Variants in PPT1 observed in about 807,000 individuals in gnomAD.
PPT1 encodes the protein palmitoyl-protein thioesterase 1.
A neutral mutation model predicts 44.0 loss-of-function variants in PPT1; 24 were observed. The ratio of observed to expected loss-of-function variants is 0.54; its 90% CI spans 0.39 to 0.77. The LOEUF is 0.77. Ranked by LOEUF, PPT1 falls within the 30% of genes least tolerant of loss-of-function variation. The pLI, the probability that PPT1 is intolerant of heterozygous loss-of-function variation, is 0.00. For synonymous variants in PPT1, 148 were observed against 140.2 expected (o/e 1.06, Z -0.39); for missense variants, 341 against 378.8 (o/e 0.90, Z 0.83).
Position 40,092,498 on chromosome 1 carries a change from C to A in PPT1, c.134G>T (p.Cys45Phe). The A allele has an allele frequency of 6.2e-7, 1 of 1,610,486 alleles. No individual in the cohort carries two copies. The highest frequency in any genetic ancestry group is 8.5e-7 in the Non-Finnish European group (1 of 1,176,660). Residue 45 changes from cysteine to phenylalanine, a missense_variant, in exon 2 of 9, where the codon TGT becomes TTT. Cys to Phe is a radical substitution (Grantham distance 205). Transcript: ENST00000642050. ...AGCACCCATGCTTAAGGGATTGCAA[C>A]AGCTGTCTCCTAGCCAACAAAACAC... ...LVIWHGMGDS[C>F]CNPLSMGAIK...
chr1:40,076,606 G>A lies in PPT1; in HGVS notation c.798+236C>T, dbSNP rs1421737419. ...GACATGAGGTTTCTCTTGTTGTTTG[G>A]AAACCATAAGGTTTCAGGATGTAGT... is the stretch of plus-strand genomic sequence containing the variant. On this transcript the variant is annotated intron_variant, in intron 8 of 8. Coordinates refer to ENST00000642050, the MANE Select transcript of PPT1 (RefSeq NM_000310.4). 2.2e-6 allele frequency: 3 copies of A among 1,345,548 alleles called. No individual in the cohort carries two copies. In the African/African-American group the frequency reaches 4.4e-5, roughly 20 times the overall value. The allele number at this position is 1,345,548 out of a possible 1,614,324, so 83.4% of individuals were successfully genotyped here.
chr1:40,079,755 G>A (rs554173654), intron 6 of PPT1, among the ~76,000 whole-genome samples: 1 of 152,164 alleles, frequency 6.6e-6, no homozygotes, highest in Admixed American at 6.6e-5. Flanking sequence ...TGGCATACAG[G>A]TACAACTATG....
At position 40,074,046 on chromosome 1, in the gene PPT1, TG is replaced by T. The variant is rs1557704784; in HGVS notation, c.*14del. The T allele has an allele frequency of 6.2e-7, 1 of 1,613,956 alleles. No individual in the cohort carries two copies. The highest frequency in any genetic ancestry group is 1.3e-5 in the African/African-American group (1 of 74,912). On this transcript the variant is annotated 3_prime_UTR_variant, in exon 9 of 9. Transcript: ENST00000642050. ...GTTAGGGGCTCCCTGAGCTCTATTG[TG>T]AACTATACGGGTTTCATCCAAGGAA...
rs202241486 is a variant in PPT1 at position 40,097,222 on chromosome 1, C to G, written c.17G>C (p.Cys6Ser). Residue 6 changes from cysteine to serine, a missense_variant, in exon 1 of 9, where the codon TGC becomes TCC. Cys to Ser is a moderately radical substitution (Grantham distance 112, BLOSUM62 -1). Transcript: ENST00000642050. ...GAGAGCCACAGCCAAGAGCCACAGG[C>G]AGCCGGGCGACGCCATCTTCGCTGT... MASPG[C>S]LWLLAVALLP... 2.8e-5 allele frequency: 45 copies of G among 1,613,974 alleles called. No individual in the cohort carries two copies. Among genetic ancestry groups the G allele is most frequent in the East Asian group, 6.7e-5 (3 of 44,858 alleles).
rs558442488 is a variant in PPT1 at position 40,092,026 on chromosome 1, A to T, written c.362+19T>A. On this transcript the variant is annotated intron_variant, in intron 3 of 8. Coordinates refer to ENST00000642050, the MANE Select transcript of PPT1 (RefSeq NM_000310.4). ...ATCAATTCCATATAAGTGGTACAAT[A>T]TAACAAAAAGGAACGTACAGAAATT... 8.1e-6 allele frequency: 13 copies of T among 1,613,736 alleles called. No individual in the cohort carries two copies. The Admixed American group carries it at 1.7e-4, about 21-fold the overall frequency.
At chr1:40,088,232 C>T (rs985620667) in intron 5 of PPT1, among the ~76,000 whole-genome samples, 1 of 152,068 alleles carries the variant, frequency 6.6e-6, no homozygotes, top group Non-Finnish European at 1.5e-5. Flanking sequence ...CAAGCTCCGC[C>T]TCCCGGGTTT....
chr1:40,079,068 C>T (rs185408241), intron 6 of PPT1, among the ~76,000 whole-genome samples: 1 of 152,214 alleles, frequency 6.6e-6, no homozygotes, highest in Non-Finnish European at 1.5e-5. Context: ...ATGTTTAGCT[C>T]CCACTTATAA....
intron 8 of PPT1, among the ~76,000 whole-genome samples, chr1:40,074,571 G>T (rs1275071983): frequency 6.6e-6 from 1 of 151,820 alleles, no homozygotes; most frequent in Non-Finnish European, 1.5e-5. Flanking sequence ...TGGCTCAAGC[G>T]ATTCTCCTGC....
Position 40,073,959 on chromosome 1 carries a change from C to T in PPT1, c.*102G>A. On this transcript the variant is annotated 3_prime_UTR_variant, in exon 9 of 9. Transcript: ENST00000642050. ...TGTTAGATGATAGAAGGATTAGTTG[C>T]AAGCTGGATCTGAGCTCAGGCTTGG... is the stretch of plus-strand genomic sequence containing the variant. 6.7e-7 allele frequency: 1 copy of T among 1,493,184 alleles called. No homozygotes were observed. Among genetic ancestry groups the T allele is most frequent in the Non-Finnish European group, 9.3e-7 (1 of 1,078,166 alleles). The allele number at this position is 1,493,184 out of a possible 1,614,324, so 92.5% of individuals were successfully genotyped here.
chr1:40,087,291 G>T (rs1238293351), intron 5 of PPT1, among the ~76,000 whole-genome samples: 2 of 151,820 alleles, frequency 1.3e-5, no homozygotes, highest in Non-Finnish European at 2.9e-5. Context: ...CATCTAGGTT[G>T]GGGTGCAGTG....
At chr1:40,092,346 G>C in intron 2 of PPT1, 52 bp downstream of exon 2, 1 of 1,528,874 alleles carries the variant, frequency 6.5e-7, no homozygotes, top group Non-Finnish European at 9.1e-7. Flanking sequence ...AACAGTATAT[G>C]CTATGAAATC....
intron 5 of PPT1, among the ~76,000 whole-genome samples, chr1:40,084,581 C>A (rs1033311410): frequency 2.6e-5 from 4 of 152,206 alleles, no homozygotes; most frequent in African/African-American, 7.2e-5. Flanking sequence ...ATGTGGGCAG[C>A]AGGCCACCCA....
Position 40,092,471 on chromosome 1 carries a change from A to G in PPT1, c.161T>C (p.Ile54Thr). 6.2e-7 allele frequency: 1 copy of G among 1,613,842 alleles called. No homozygotes were observed. Among genetic ancestry groups the G allele is most frequent in the Middle Eastern group, 1.6e-4 (1 of 6,062 alleles). ...TATTTTCTTCTCCACCATTTTTTTA[A>G]TAGCACCCATGCTTAAGGGATTGCA... The part of the protein sequence containing the change: ...SCCNPLSMGA[I>T]KKMVEKKIPG... The change falls in exon 2 of 9, where the codon ATT (isoleucine) becomes ACT (threonine). Residue 54 changes from isoleucine (I) to threonine (T), a missense_variant. Coordinates refer to ENST00000642050, the MANE Select transcript of PPT1 (RefSeq NM_000310.4).
In PPT1 at chr1:40,092,066, A is replaced by G. The variant is rs771910918; in HGVS notation, c.341T>C (p.Phe114Ser). The change falls in exon 3 of 9, where the codon TTC (phenylalanine) becomes TCC (serine). Residue 114 changes from phenylalanine (F) to serine (S), a missense_variant. Transcript: ENST00000642050. ...KLQQGYNAMG[F>S]SQGGQFLRAV... ...GTACAGAAATTGGCCTCCCTGGGAG[A>G]ATCCCATAGCATTGTAGCCTTGCTG... 1 of 1,614,120 alleles carries G rather than the reference A, an allele frequency of 6.2e-7. No homozygotes were observed. The highest frequency in any genetic ancestry group is 1.7e-5 in the Admixed American group (1 of 60,032).
intron 5 of PPT1, among the ~76,000 whole-genome samples, chr1:40,081,965 C>A (rs1052202248): frequency 3.3e-5 from 5 of 152,132 alleles, no homozygotes; most frequent in Non-Finnish European, 7.3e-5. Flanking sequence ...ACAATAAGGT[C>A]CAGGCTGAGG....
At chr1:40,076,373 G>A (rs890202445) in intron 8 of PPT1, among the ~76,000 whole-genome samples, 1 of 152,068 alleles carries the variant, frequency 6.6e-6, no homozygotes, top group East Asian at 1.9e-4. Context: ...GCTGAGGCAG[G>A]AGAATTGCTT....
intron 5 of PPT1, among the ~76,000 whole-genome samples, chr1:40,086,724 G>A (rs1156804809): frequency 6.6e-6 from 1 of 150,878 alleles, no homozygotes; most frequent in Non-Finnish European, 1.5e-5. Context: ...GAAGCCGTGC[G>A]AGGCCACCTT....
chr1:40,081,851 GCA>G (rs1333480035), intron 5 of PPT1, among the ~76,000 whole-genome samples: 1 of 152,184 alleles, frequency 6.6e-6, no homozygotes, highest in African/African-American at 2.4e-5. Context: ...GCAGAGGCTG[GCA>G]CAGTTTGGAG....
At chr1:40,092,542 G>A (rs770620692) in intron 1 of PPT1, 35 bp from the exon 2 acceptor site, 1 of 1,477,410 alleles carries the variant, frequency 6.8e-7, no homozygotes, top group East Asian at 2.3e-5. Flanking sequence ...AAACTCATGA[G>A]TCCAAATATT....
Sources: allele counts gnomAD v4.1 joint callset (sites outside exome capture counted in the v4.1 genomes callset), GRCh38; gene constraint gnomAD v4.1.1; transcripts MANE v1.5; gene names NCBI Gene and HGNC (gene_info 2026-07-23, HGNC 2026-07-21).